The following DEFB115 variants were observed in gnomAD, a reference collection of about 807,000 sequenced individuals.
DEFB115 encodes the protein beta-defensin 115.
A neutral mutation model predicts 8.8 loss-of-function variants in DEFB115; 7 were observed. The ratio of observed to expected loss-of-function variants is 0.79; its 90% CI spans 0.45 to 1.49. The LOEUF (loss-of-function observed/expected upper bound fraction) is 1.49. DEFB115 is among the 40% of genes most tolerant of loss of function. DEFB115 has a pLI of 0.01. For missense variants in DEFB115, 143 were observed against 99.4 expected, an observed-to-expected ratio of 1.44 and a Z score of -1.86; for synonymous variants, 62 against 37.6, an observed-to-expected ratio of 1.65 and a Z score of -2.37.
At chr20:31,258,599 G>A (rs1474945) in intron 1 of DEFB115, among the ~76,000 whole-genome samples, 102,122 of 152,014 alleles carry the variant, frequency 0.67, 34,419 homozygotes, top group East Asian at 0.75. Context: ...CATGCCTTAT[G>A]TTCCAGCGAG....
Position 31,259,484 on chromosome 20 carries a change from A to G in DEFB115, c.119A>G (p.Tyr40Cys). 1.9e-6 allele frequency: 3 copies of G among 1,612,106 alleles called. No homozygotes were observed. The highest frequency in any genetic ancestry group is 2.5e-6 in the Non-Finnish European group (3 of 1,179,214). Reference protein sequence around the residue: ...APDGWIRRCYYGTGRCRKSCK... With the variant: ...APDGWIRRCYCGTGRCRKSCK... ...GATGGATGGATCAGAAGGTGCTATT[A>G]TGGAACTGGCAGATGCAGGAAATCA... is the stretch of plus-strand genomic sequence containing the variant. Residue 40 changes from tyrosine (Y) to cysteine (C), a missense_variant, in exon 2 of 2, where the codon TAT (tyrosine) becomes TGT (cysteine). Physicochemically the swap from Tyr to Cys is radical, Grantham distance 194. Coordinates refer to ENST00000400552, the MANE Select transcript of DEFB115 (RefSeq NM_001037730.1).
Position 31,259,567 on chromosome 20 carries a change from C to A in DEFB115, c.202C>A (p.Pro68Thr), listed in dbSNP as rs758826378. ...KCGEKHICCV[P>T]KEKDKLSHIH... The stretch of plus-strand genomic sequence containing the variant: ...TGGGGAAAAACATATTTGCTGTGTC[C>A]CTAAAGAAAAGGATAAACTATCACA... Residue 68 changes from proline to threonine, a missense_variant, in exon 2 of 2, where the codon CCT (proline) becomes ACT (threonine). Transcript: ENST00000400552. The A allele has an allele frequency of 1.2e-6, 2 of 1,609,076 alleles. No individual in the cohort carries two copies. Among genetic ancestry groups the A allele is most frequent in the Non-Finnish European group, 1.7e-6 (2 of 1,177,986 alleles).
intron 1 of DEFB115, among the ~76,000 whole-genome samples, chr20:31,258,581 G>T (rs1447853756): frequency 6.6e-6 from 1 of 152,198 alleles, no homozygotes; most frequent in Admixed American, 6.5e-5. Context: ...ACCCTGAGTT[G>T]GCTTGAGCAT....
chr20:31,259,214 CTG>C (rs1428664230), intron 1 of DEFB115, among the ~76,000 whole-genome samples: 2 of 152,110 alleles, frequency 1.3e-5, no homozygotes, highest in Non-Finnish European at 2.9e-5. Flanking sequence ...TTTAGTGAGA[CTG>C]TGAAAAATGA....
Position 31,259,509 on chromosome 20 carries a change from A to T in DEFB115, c.144A>T (p.Ser48=). 1 of 1,613,374 alleles carries T rather than the reference A, an allele frequency of 6.2e-7. No individual in the cohort carries two copies. The highest frequency in any genetic ancestry group is 8.5e-7 in the Non-Finnish European group (1 of 1,179,632). Residue 48 remains serine, a synonymous_variant, in exon 2 of 2, where the codon TCA becomes TCT. Coordinates refer to ENST00000400552, the MANE Select transcript of DEFB115 (RefSeq NM_001037730.1). ...ATGGAACTGGCAGATGCAGGAAATC[A>T]TGCAAAGAAATTGAGAGGAAGAAAG... is the stretch of plus-strand genomic sequence containing the variant. ...CYYGTGRCRK[S]CKEIERKKEK...
intron 1 of DEFB115, among the ~76,000 whole-genome samples, chr20:31,257,973 C>A (rs1048039012): frequency 4.6e-5 from 7 of 152,192 alleles, no homozygotes; most frequent in African/African-American, 1.7e-4. Context: ...AGAATATCTG[C>A]AGAGGCCAAG....
intron 1 of DEFB115, among the ~76,000 whole-genome samples, chr20:31,258,739 T>C (rs1983821279): frequency 6.6e-6 from 1 of 152,118 alleles, no homozygotes; most frequent in African/African-American, 2.4e-5. Context: ...CTGAACATTC[T>C]GGTAAAAGAC....
chr20:31,257,870 A>G, intron 1 of DEFB115, 113 bp downstream of exon 1: 1 of 907,174 alleles, frequency 1.1e-6, no homozygotes, highest in Non-Finnish European at 1.7e-6. Flanking sequence ...GGGATGGCTG[A>G]GATCTGATGA....
chr20:31,258,920 C>A (rs1983826501), intron 1 of DEFB115, among the ~76,000 whole-genome samples: 2 of 152,034 alleles, frequency 1.3e-5, no homozygotes, highest in Non-Finnish European at 2.9e-5. Context: ...CAGAGAAGGG[C>A]ACAGTGTTAA....
chr20:31,259,151 C>T (rs548383564), intron 1 of DEFB115, among the ~76,000 whole-genome samples: 1 of 152,182 alleles, frequency 6.6e-6, no homozygotes, highest in South Asian at 2.1e-4. Context: ...TAATTGAAGG[C>T]TTAGTCCCAC....
Position 31,259,551 on chromosome 20 carries a change from A to G in DEFB115, c.186A>G (p.Lys62=), listed in dbSNP as rs749859512. ...IERKKEKCGE[K]HICCVPKEKD... ...GGAAGAAAGAAAAATGTGGGGAAAA[A>G]CATATTTGCTGTGTCCCTAAAGAAA... is the stretch of plus-strand genomic sequence containing the variant. The change falls in exon 2 of 2, where the codon AAA becomes AAG. Residue 62 remains lysine, a synonymous_variant. Coordinates refer to ENST00000400552, the MANE Select transcript of DEFB115 (RefSeq NM_001037730.1). 5.6e-6 allele frequency: 9 copies of G among 1,613,270 alleles called. No individual in the cohort carries two copies. In the South Asian group the frequency reaches 9.9e-5, roughly 18 times the overall value.
chr20:31,258,635 G>A (rs1357891101), intron 1 of DEFB115, among the ~76,000 whole-genome samples: 3 of 152,206 alleles, frequency 2.0e-5, no homozygotes, highest in Non-Finnish European at 2.9e-5. Context: ...GGGAGTTGCA[G>A]ATGCAAGAGA....
At chr20:31,257,957 A>G (rs1983799335) in intron 1 of DEFB115, among the ~76,000 whole-genome samples, 200 bp downstream of exon 1, 1 of 152,108 alleles carries the variant, frequency 6.6e-6, no homozygotes, top group Non-Finnish European at 1.5e-5. Flanking sequence ...TCATTAGGGA[A>G]CCTGGAGAAT....
In DEFB115 at chr20:31,257,674, A is replaced by G; in HGVS notation, c.11A>G (p.Asp4Gly). The G allele has an allele frequency of 6.2e-7, 1 of 1,613,900 alleles. No homozygotes were observed. Reference protein sequence around the residue: MLPDHFSPLSGDIK... With the variant: MLPGHFSPLSGDIK... ...CCCAGCACACTCAGAATGCTGCCAG[A>G]TCATTTCTCACCCCTCTCAGGAGAC... Residue 4 changes from aspartate (D) to glycine (G), a missense_variant, in exon 1 of 2, where the codon GAT (aspartate) becomes GGT (glycine). Transcript: ENST00000400552.
rs778739604 is a variant in DEFB115, at chr20:31,259,569, TAAAGA to T, written c.209_213del (p.Glu70GlyfsTer2). ...GGGAAAAACATATTTGCTGTGTCCC[TAAAGA>T]AAAGGATAAACTATCACACATTCAC... On this transcript the variant is annotated frameshift_variant, in exon 2 of 2. Transcript: ENST00000400552. LOFTEE classifies it high-confidence loss of function. 3 of 1,612,258 alleles carry T rather than the reference TAAAGA, an allele frequency of 1.9e-6. No homozygotes were observed. The African/African-American group carries it at 4.0e-5, about 22-fold the overall frequency.
Position 31,259,618 on chromosome 20 carries a change from G to C in DEFB115, c.253G>C (p.Glu85Gln), listed in dbSNP as rs1983850446. 1.9e-6 allele frequency: 3 copies of C among 1,601,964 alleles called. No individual in the cohort carries two copies. In the South Asian group the frequency reaches 3.4e-5, roughly 18 times the overall value. ...SHIHDQKETS[E>Q]LYI The stretch of plus-strand genomic sequence containing the variant: ...CATTCACGACCAAAAAGAGACAAGT[G>C]AGCTATATATCTAGTTGCGACTCCT... The change falls in exon 2 of 2, where the codon GAG (glutamate) becomes CAG (glutamine). Residue 85 changes from glutamate (E) to glutamine (Q), a missense_variant. Coordinates refer to ENST00000400552, the MANE Select transcript of DEFB115 (RefSeq NM_001037730.1).
chr20:31,259,242 C>G (rs1983837587), intron 1 of DEFB115, among the ~76,000 whole-genome samples: 1 of 152,088 alleles, frequency 6.6e-6, no homozygotes, highest in South Asian at 2.1e-4. Context: ...AAGAAAGTAT[C>G]ATAAGCATAG....
At chr20:31,259,018 T>G (rs1983830535) in intron 1 of DEFB115, among the ~76,000 whole-genome samples, 1 of 152,148 alleles carries the variant, frequency 6.6e-6, no homozygotes, top group African/African-American at 2.4e-5. Flanking sequence ...CATCCATTGT[T>G]CAGGGTCTTG....
Position 31,259,547 on chromosome 20 carries a change from A to T in DEFB115, c.182A>T (p.Glu61Val). The T allele has an allele frequency of 6.2e-7, 1 of 1,613,206 alleles. No homozygotes were observed. Among genetic ancestry groups the T allele is most frequent in the South Asian group, 1.1e-5 (1 of 90,910 alleles). Residue 61 changes from glutamate to valine, a missense_variant, in exon 2 of 2, where the codon GAA (glutamate) becomes GTA (valine). Physicochemically the swap from Glu to Val is moderately radical, Grantham distance 121. Coordinates refer to ENST00000400552, the MANE Select transcript of DEFB115 (RefSeq NM_001037730.1). Reference protein sequence around the residue: ...EIERKKEKCGEKHICCVPKEK... With the variant: ...EIERKKEKCGVKHICCVPKEK... ...GAGAGGAAGAAAGAAAAATGTGGGGAAAAACATATTTGCTGTGTCCCTAAA... is the reference window on the plus strand; with the variant it reads ...GAGAGGAAGAAAGAAAAATGTGGGGTAAAACATATTTGCTGTGTCCCTAAA...
Sources: gnomAD v4.1 joint callset for allele counts (sites outside exome capture counted in the v4.1 genomes callset) on GRCh38, gnomAD v4.1.1 for gene constraint, MANE v1.5 for transcripts, NCBI Gene and HGNC (gene_info 2026-07-23, HGNC 2026-07-21) for gene names.